The following RHOA variants were observed in gnomAD, a reference collection of about 807,000 sequenced individuals.
RHOA encodes the protein ras homolog family member A.
RHOA carries 3 observed loss-of-function variants against 17.5 expected under a neutral mutation model. That is an observed-to-expected ratio of 0.17 (90% CI 0.08 to 0.44). The LOEUF (loss-of-function observed/expected upper bound fraction) is 0.44. Ranked by LOEUF, RHOA falls within the 20% of genes least tolerant of loss-of-function variation. RHOA has a pLI of 0.99. For synonymous variants in RHOA, 98 were observed against 88.4 expected (o/e 1.11, Z -0.61); for missense variants, 56 against 242.3 (o/e 0.23, Z 5.10).
intron 1 of RHOA, among the ~76,000 whole-genome samples, chr3:49,395,672 C>T (rs2048603518): frequency 6.6e-6 from 1 of 151,958 alleles, no homozygotes; most frequent in Admixed American, 6.6e-5. Flanking sequence ...AAGATCACAC[C>T]ACTGCACTCT....
intron 1 of RHOA, among the ~76,000 whole-genome samples, chr3:49,387,860 T>C (rs2048428323): frequency 6.6e-6 from 1 of 152,040 alleles, no homozygotes; most frequent in South Asian, 2.1e-4. Flanking sequence ...GAGGAAGAAA[T>C]AATAACAATG....
At chr3:49,395,133 C>T (rs964488759) in intron 1 of RHOA, among the ~76,000 whole-genome samples, 4 of 151,664 alleles carry the variant, frequency 2.6e-5, no homozygotes, top group African/African-American at 9.7e-5. Context: ...CACCTGTAGT[C>T]CCAGCTACTC....
At chr3:49,390,523 C>A (rs1314569290) in intron 1 of RHOA, among the ~76,000 whole-genome samples, 2 of 151,204 alleles carry the variant, frequency 1.3e-5, no homozygotes, top group South Asian at 2.1e-4. Flanking sequence ...CTTGGCCTCT[C>A]AAAGTGCTGG....
intron 1 of RHOA, among the ~76,000 whole-genome samples, chr3:49,387,795 G>A (rs896676030): frequency 3.3e-5 from 5 of 150,614 alleles, no homozygotes; most frequent in Admixed American, 3.3e-4. Context: ...ATGCTTTTAT[G>A]ATGTTTTTGC....
At chr3:49,394,725 G>A (rs115594000) in intron 1 of RHOA, among the ~76,000 whole-genome samples, 1 of 152,016 alleles carries the variant, frequency 6.6e-6, no homozygotes, top group Non-Finnish European at 1.5e-5. Context: ...AAACACTCAG[G>A]GAAAACAGCA....
chr3:49,364,400 G>A (rs888527490), intron 3 of RHOA, among the ~76,000 whole-genome samples: 9 of 152,100 alleles, frequency 5.9e-5, no homozygotes, highest in African/African-American at 2.2e-4. Context: ...CTGGAGAATC[G>A]CTTGAACCCG....
At chr3:49,392,047 C>T (rs977589234) in intron 1 of RHOA, among the ~76,000 whole-genome samples, 2 of 150,512 alleles carry the variant, frequency 1.3e-5, no homozygotes, top group African/African-American at 2.4e-5. Flanking sequence ...AGGCTGGTCT[C>T]GAACTCCTAT....
At chr3:49,410,936 T>A (rs1575296279) in intron 1 of RHOA, among the ~76,000 whole-genome samples, 1 of 152,344 alleles carries the variant, frequency 6.6e-6, no homozygotes, top group East Asian at 1.9e-4. Flanking sequence ...ATTCCAATTT[T>A]CCACCGTAAA....
At chr3:49,372,013 G>T (rs543419762) in intron 2 of RHOA, among the ~76,000 whole-genome samples, 1 of 152,186 alleles carries the variant, frequency 6.6e-6, no homozygotes, top group Non-Finnish European at 1.5e-5. Flanking sequence ...GATACAACCA[G>T]TAATATACAT....
At chr3:49,360,642 G>C (rs2047951621) in intron 4 of RHOA, among the ~76,000 whole-genome samples, 1 of 151,720 alleles carries the variant, frequency 6.6e-6, no homozygotes, top group Admixed American at 6.6e-5. Flanking sequence ...TAATTTTTTA[G>C]TAGAGATGGG....
rs62926260 is a variant in RHOA at position 49,367,342 on chromosome 3, C to CAAAAAAAAAAAAAAA, written c.277+1071_277+1085dup. 5.9e-3 allele frequency among the ~76,000 whole-genome samples: 473 copies of CAAAAAAAAAAAAAAA among 80,340 alleles called. 30 individuals carry two copies. The highest frequency in any genetic ancestry group is 0.032 in the East Asian group (28 of 886). The allele number at this position is 80,340 out of a possible 152,430, so 52.7% of individuals were successfully genotyped here. A position where few individuals can be genotyped will look rare whatever the true frequency, so the allele number is the denominator to read the frequency against. On this transcript the variant is annotated intron_variant, in intron 3 of 4. Transcript: ENST00000418115. ...TGGGAGACAGAGCAAGACTCCCTCT[C>CAAAAAAAAAAAAAAA]AAAAAAAAAAAAAAAAAAAAAAAAG...
intron 1 of RHOA, among the ~76,000 whole-genome samples, chr3:49,381,632 C>T (rs1477283173): frequency 6.7e-6 from 1 of 149,820 alleles, no homozygotes; most frequent in Non-Finnish European, 1.5e-5. Flanking sequence ...TTTGGGAGGC[C>T]GAGGCCTGTG....
rs2047931447 is a variant in RHOA, at chr3:49,359,861, G to A, written c.*348C>T. Reference sequence around the variant, plus strand: ...CTTGCAGCTGACAGATAATAGGCAGGACATGTTAGTTATAAAGTAGTTACA... The same window carrying A: ...CTTGCAGCTGACAGATAATAGGCAGAACATGTTAGTTATAAAGTAGTTACA... On this transcript the variant is annotated 3_prime_UTR_variant, in exon 5 of 5. Coordinates refer to ENST00000418115, the MANE Select transcript of RHOA (RefSeq NM_001664.4). 3.6e-6 allele frequency: 1 copy of A among 277,542 alleles called. No individual in the cohort carries two copies. Among genetic ancestry groups the A allele is most frequent in the African/African-American group, 2.2e-5 (1 of 46,314 alleles). The allele number at this position is 277,542 out of a possible 1,614,324, so 17.2% of individuals were successfully genotyped here. A position where few individuals can be genotyped will look rare whatever the true frequency, so the allele number is the denominator to read the frequency against.
At chr3:49,362,773 T>C (rs928309736) in intron 3 of RHOA, 147 bp from the exon 4 acceptor site, 3 of 665,794 alleles carry the variant, frequency 4.5e-6, no homozygotes, top group Non-Finnish European at 7.6e-6. Context: ...TTCAAAACCA[T>C]AAAAAGGAAA....
chr3:49,379,256 T>C (rs997725201), intron 1 of RHOA, among the ~76,000 whole-genome samples: 2 of 152,152 alleles, frequency 1.3e-5, no homozygotes, highest in African/African-American at 2.4e-5. Context: ...GGAAATGTTA[T>C]ATAAGTGAAA....
At chr3:49,379,274 G>A (rs2048281154) in intron 1 of RHOA, among the ~76,000 whole-genome samples, 1 of 152,090 alleles carries the variant, frequency 6.6e-6, no homozygotes, top group African/African-American at 2.4e-5. Context: ...AAAGAACCCA[G>A]TCACAAAAAC....
intron 1 of RHOA, among the ~76,000 whole-genome samples, chr3:49,404,433 A>AACACACACACACACACACACACAC (rs374020319): frequency 0.16 from 14,552 of 90,478 alleles, 2,047 homozygotes; most frequent in Non-Finnish European, 0.18. Context: ...TCTCTAGTAA[A>AACACACACACACACACACACACAC]ACACACACAC....
At chr3:49,392,977 G>C (rs1210165429) in intron 1 of RHOA, among the ~76,000 whole-genome samples, 1 of 152,012 alleles carries the variant, frequency 6.6e-6, no homozygotes, top group Non-Finnish European at 1.5e-5. Flanking sequence ...AGGAGTTCAA[G>C]ACCAGCCTGG....
intron 1 of RHOA, among the ~76,000 whole-genome samples, chr3:49,377,023 G>A (rs1282378784): frequency 6.6e-6 from 1 of 152,114 alleles, no homozygotes; most frequent in Non-Finnish European, 1.5e-5. Flanking sequence ...AGCTACACAG[G>A]AGCAAGAGGC....
Sources: gnomAD v4.1 joint callset for allele counts (sites outside exome capture counted in the v4.1 genomes callset) on GRCh38, gnomAD v4.1.1 for gene constraint, MANE v1.5 for transcripts, NCBI Gene and HGNC (gene_info 2026-07-23, HGNC 2026-07-21) for gene names.